Variants in EPHA3 observed in about 807,000 individuals in gnomAD.
EPHA3 encodes EPH receptor A3.
EPHA3 carries 42 observed loss-of-function variants against 107.1 expected under a neutral mutation model. The ratio of observed to expected loss-of-function variants is 0.39; its 90% confidence interval spans 0.31 to 0.51. The LOEUF (loss-of-function observed/expected upper bound fraction) is 0.51, where lower values mean the gene tolerates loss of function less well. Ranked by LOEUF, EPHA3 falls within the 20% of genes least tolerant of loss-of-function variation. EPHA3 has a pLI of 0.78. For missense variants in EPHA3, 1,183 were observed against 1,211.2 expected, an observed-to-expected ratio of 0.98 and a Z score of 0.35; for synonymous variants, 461 against 424.8, an observed-to-expected ratio of 1.09 and a Z score of -1.05.
intron 3 of EPHA3, among the ~76,000 whole-genome samples, chr3:89,326,512 C>T (rs1180990823): frequency 6.6e-6 from 1 of 152,014 alleles, no homozygotes; most frequent in African/African-American, 2.4e-5. Flanking sequence ...ACATCAGCCT[C>T]CTGAGTAGCT....
At chr3:89,455,801 C>T (rs1710086171) in intron 15 of EPHA3, among the ~76,000 whole-genome samples, 1 of 152,304 alleles carries the variant, frequency 6.6e-6, no homozygotes, top group South Asian at 2.1e-4. Flanking sequence ...TATGTGTTGA[C>T]TCATTCTGTG....
intron 3 of EPHA3, among the ~76,000 whole-genome samples, chr3:89,255,566 G>C (rs957713601): frequency 6.6e-6 from 1 of 152,176 alleles, no homozygotes; most frequent in Non-Finnish European, 1.5e-5. Context: ...TTACTATCTG[G>C]CTCTTTACTG....
chr3:89,273,770 C>A (rs2107302365), intron 3 of EPHA3, among the ~76,000 whole-genome samples: 1 of 151,938 alleles, frequency 6.6e-6, no homozygotes, highest in East Asian at 1.9e-4. Flanking sequence ...ACAGTTGATT[C>A]ATTAACATTA....
chr3:89,183,739 A>G (rs575234222), intron 2 of EPHA3, among the ~76,000 whole-genome samples: 1 of 152,122 alleles, frequency 6.6e-6, no homozygotes, highest in South Asian at 2.1e-4. Flanking sequence ...CTAGAATTTT[A>G]TAACTCTTAT....
chr3:89,386,391 A>G (rs930556249), intron 5 of EPHA3, among the ~76,000 whole-genome samples: 7 of 152,170 alleles, frequency 4.6e-5, no homozygotes, highest in Non-Finnish European at 8.8e-5. Context: ...GCTGTGGCTA[A>G]AAGAGGCCAA....
At chr3:89,453,973 C>G (rs1439832827) in intron 15 of EPHA3, among the ~76,000 whole-genome samples, 1 of 152,044 alleles carries the variant, frequency 6.6e-6, no homozygotes, top group Non-Finnish European at 1.5e-5. Context: ...TTCTGCATAT[C>G]CAGGCTCTTT....
chr3:89,447,697 A>G, intron 13 of EPHA3, among the ~76,000 whole-genome samples: 1 of 152,168 alleles, frequency 6.6e-6, no homozygotes, highest in East Asian at 1.9e-4. Context: ...TTGAGCTAAC[A>G]TTTATTGAGT....
rs1030615867 is a variant in EPHA3, at chr3:89,424,145, C to T, written c.2074+4755C>T. On this transcript the variant is annotated intron_variant, in intron 11 of 16. Transcript: ENST00000336596. ...ATGCATAAACAAAAATTTAATAACACTAGAATAATTGTGAAGCCATATCTG... is the reference window on the plus strand; with the variant it reads ...ATGCATAAACAAAAATTTAATAACATTAGAATAATTGTGAAGCCATATCTG... 2.6e-5 allele frequency among the ~76,000 whole-genome samples: 4 copies of T among 151,180 alleles called. No homozygotes were observed. In the Admixed American group the frequency reaches 2.6e-4, roughly 10 times the overall value.
At chr3:89,121,782 G>C (rs917821890) in intron 1 of EPHA3, among the ~76,000 whole-genome samples, 2 of 151,610 alleles carry the variant, frequency 1.3e-5, no homozygotes, top group Admixed American at 1.3e-4. Flanking sequence ...TTATGCTTGG[G>C]TAGAAAGAAA....
chr3:89,209,805 T>C, intron 2 of EPHA3, 55 bp from the exon 3 acceptor site: 3 of 1,419,964 alleles, frequency 2.1e-6, no homozygotes, highest in East Asian at 2.3e-5. Context: ...CCTTATGTTG[T>C]ATTCGTTATT....
intron 5 of EPHA3, among the ~76,000 whole-genome samples, chr3:89,389,597 T>C (rs962627474): frequency 1.1e-4 from 17 of 152,164 alleles, no homozygotes; most frequent in Non-Finnish European, 1.0e-4. Flanking sequence ...CCTTTATGGG[T>C]TGAATTTTGA....
intron 5 of EPHA3, among the ~76,000 whole-genome samples, chr3:89,382,802 A>T (rs1708538417): frequency 6.6e-6 from 1 of 152,166 alleles, no homozygotes; most frequent in Non-Finnish European, 1.5e-5. Context: ...GAGGTGTTTC[A>T]GAGGAAAGGC....
intron 5 of EPHA3, among the ~76,000 whole-genome samples, chr3:89,379,870 T>G (rs1708466930): frequency 6.6e-6 from 1 of 152,168 alleles, no homozygotes; most frequent in African/African-American, 2.4e-5. Flanking sequence ...AAATCTGATT[T>G]CCAAATGTTT....
intron 15 of EPHA3, among the ~76,000 whole-genome samples, chr3:89,451,178 G>T (rs1455872925): frequency 1.3e-5 from 2 of 152,132 alleles, no homozygotes; most frequent in African/African-American, 4.8e-5. Context: ...CTCTGCAGCT[G>T]TAATGCAATC....
chr3:89,139,009 A>G (rs1455469685), intron 2 of EPHA3, among the ~76,000 whole-genome samples: 1 of 151,702 alleles, frequency 6.6e-6, no homozygotes, highest in Non-Finnish European at 1.5e-5. Context: ...ACAGAAAAGT[A>G]CTCTCGCAGT....
intron 3 of EPHA3, among the ~76,000 whole-genome samples, chr3:89,333,788 C>A (rs1240043374): frequency 6.6e-6 from 1 of 151,940 alleles, no homozygotes; most frequent in East Asian, 1.9e-4. Flanking sequence ...AGGAGAACTG[C>A]TTGAACCAAG....
At position 89,249,721 on chromosome 3, in the gene EPHA3, G is replaced by A. The variant is rs1439577125; in HGVS notation, c.814+39201G>A. On this transcript the variant is annotated intron_variant, in intron 3 of 16. Transcript: ENST00000336596. ...AGCAATCTGCCTGCCTCAGCCTCCC[G>A]AAGTTCTGGGATTACAGGCAGTTGT... 4.6e-5 allele frequency among the ~76,000 whole-genome samples: 7 copies of A among 152,082 alleles called. No homozygotes were observed. The South Asian group carries it at 6.2e-4, about 13-fold the overall frequency.
At chr3:89,325,257 C>T (rs1707139592) in intron 3 of EPHA3, among the ~76,000 whole-genome samples, 1 of 152,124 alleles carries the variant, frequency 6.6e-6, no homozygotes, top group South Asian at 2.1e-4. Context: ...CATAATGTAT[C>T]TCAAATAAAT....
intron 15 of EPHA3, among the ~76,000 whole-genome samples, chr3:89,453,270 C>CATGTA (rs140393112): frequency 0.018 from 2,700 of 152,072 alleles, 82 homozygotes; most frequent in African/African-American, 0.062. Context: ...AAAGCTAACT[C>CATGTA]ATGTAATGTA....
Sources: allele counts gnomAD v4.1 joint callset (sites outside exome capture counted in the v4.1 genomes callset), GRCh38; gene constraint gnomAD v4.1.1; transcripts MANE v1.5; gene names NCBI Gene and HGNC (gene_info 2026-07-23, HGNC 2026-07-21).